CPPED1: variants seen among roughly 807,000 people sequenced by gnomAD.
CPPED1 encodes calcineurin like phosphoesterase domain containing 1.
CPPED1 carries 28 observed loss-of-function variants against 28.0 expected under a neutral mutation model. The ratio of observed to expected loss-of-function variants is 1.00; its 90% CI spans 0.74 to 1.37. The LOEUF (loss-of-function observed/expected upper bound fraction) is 1.37. CPPED1 is among the 40% of genes most tolerant of loss of function. The pLI, the probability that CPPED1 is intolerant of heterozygous loss-of-function variation, is 0.00. For missense variants in CPPED1, 504 were observed against 416.5 expected (o/e 1.21, Z -1.83); for synonymous variants, 198 against 180.2 (o/e 1.10, Z -0.79).
intron 2 of CPPED1, among the ~76,000 whole-genome samples, chr16:12,750,632 T>C (rs1221276724): frequency 6.6e-6 from 1 of 152,108 alleles, no homozygotes; most frequent in East Asian, 1.9e-4. Flanking sequence ...AAGTTCAAAA[T>C]ATTGCAAGAA....
intron 3 of CPPED1, among the ~76,000 whole-genome samples, chr16:12,668,720 T>A (rs1257388010): frequency 6.6e-6 from 1 of 152,216 alleles, no homozygotes; most frequent in Non-Finnish European, 1.5e-5. Context: ...GGCCGATAAT[T>A]ACATGAAAAG....
chr16:12,698,139 G>C (rs1247887167), intron 3 of CPPED1, among the ~76,000 whole-genome samples: 1 of 152,020 alleles, frequency 6.6e-6, no homozygotes, highest in Non-Finnish European at 1.5e-5. Flanking sequence ...GTCAGTTCAT[G>C]AAAACCAACT....
chr16:12,672,795 G>C (rs1378050882), intron 3 of CPPED1, among the ~76,000 whole-genome samples: 9 of 152,214 alleles, frequency 5.9e-5, no homozygotes, highest in African/African-American at 2.2e-4. Context: ...GGGCAGATCA[G>C]TTGAGGTCAG....
rs1266138675 is a variant in CPPED1 at position 12,682,746 on chromosome 16, C to T, written c.716-17631G>A. Among the ~76,000 whole-genome samples the T allele has an allele frequency of 6.6e-6, 1 of 152,242 alleles. No individual in the cohort carries two copies. Among genetic ancestry groups the T allele is most frequent in the East Asian group, 1.9e-4 (1 of 5,196 alleles). ...TTTCCTCTCATCCTTCTCTAAGTAT[C>T]TGATCAGAAGATCTTTTTCTTTTCA... is the stretch of plus-strand genomic sequence containing the variant. On this transcript the variant is annotated intron_variant, in intron 3 of 3. Transcript: ENST00000381774. This position sits in a 1 kb window ranked among gnomAD's most constrained non-coding sequence, Gnocchi z 6.1.
chr16:12,683,721 C>T (rs1297424368), intron 3 of CPPED1, among the ~76,000 whole-genome samples: 2 of 152,164 alleles, frequency 1.3e-5, no homozygotes, highest in Admixed American at 1.3e-4. Context: ...ATCTCCTCTC[C>T]ATCCTCAGTG....
intron 3 of CPPED1, among the ~76,000 whole-genome samples, chr16:12,685,427 G>A (rs1347142931): frequency 2.6e-5 from 4 of 152,172 alleles, no homozygotes; most frequent in Admixed American, 2.6e-4. Flanking sequence ...TCCAGCCTGG[G>A]TGACAGAGCG....
rs757998198 is a variant in CPPED1, at chr16:12,665,032, T to C, written c.799A>G (p.Ile267Val). 1 of 1,610,456 alleles carries C rather than the reference T, an allele frequency of 6.2e-7. No homozygotes were observed. Among genetic ancestry groups the C allele is most frequent in the East Asian group, 2.2e-5 (1 of 44,808 alleles). ...GGGTCTCTGCCCAGCTGGCATCCAA[T>C]GGCAGATGACACCACCATGTCGAGG... ...QNLDMVVSSA[I>V]GCQLGRDPHG... The change falls in exon 4 of 4, where the codon ATT (isoleucine) becomes GTT (valine). Residue 267 changes from isoleucine (I) to valine (V), a missense_variant. Physicochemically the swap from Ile to Val is conservative, Grantham distance 29. Transcript: ENST00000381774.
chr16:12,742,700 T>G (rs1319993343), intron 2 of CPPED1, among the ~76,000 whole-genome samples: 2 of 152,156 alleles, frequency 1.3e-5, no homozygotes, highest in East Asian at 1.9e-4. Context: ...CATTGCCCAA[T>G]AGCTGCTTCT....
At chr16:12,681,384 C>T (rs1382390935) in intron 3 of CPPED1, among the ~76,000 whole-genome samples, 1 of 152,144 alleles carries the variant, frequency 6.6e-6, no homozygotes, top group African/African-American at 2.4e-5. Context: ...AGAAGGCCCT[C>T]ACCAGATACA....
At chr16:12,778,266 T>C (rs1349153087) in intron 2 of CPPED1, among the ~76,000 whole-genome samples, 1 of 133,432 alleles carries the variant, frequency 7.5e-6, no homozygotes. Context: ...TTCTTTTTTC[T>C]TTCTTTCTTT....
At chr16:12,732,014 G>T (rs2080200396) in intron 2 of CPPED1, among the ~76,000 whole-genome samples, 1 of 151,872 alleles carries the variant, frequency 6.6e-6, no homozygotes, top group Admixed American at 6.6e-5. Context: ...AATACAAAAA[G>T]TAGCTGGGCG....
At chr16:12,786,960 A>G (rs1398928078) in intron 1 of CPPED1, among the ~76,000 whole-genome samples, 1 of 152,174 alleles carries the variant, frequency 6.6e-6, no homozygotes, top group Non-Finnish European at 1.5e-5. Context: ...GTATGTTCTA[A>G]TTTATTACTA....
At chr16:12,727,114 A>C (rs1308326230) in intron 2 of CPPED1, among the ~76,000 whole-genome samples, 1 of 152,166 alleles carries the variant, frequency 6.6e-6, no homozygotes. Flanking sequence ...ATACAACTGG[A>C]GCCCTGCGTT....
At chr16:12,783,903 G>A (rs2080547241) in intron 1 of CPPED1, among the ~76,000 whole-genome samples, 1 of 152,136 alleles carries the variant, frequency 6.6e-6, no homozygotes, top group Non-Finnish European at 1.5e-5. Flanking sequence ...ACAGCAATAT[G>A]GCACATCCAG....
chr16:12,694,736 G>C lies in CPPED1; in HGVS notation c.715+9888C>G, dbSNP rs866189260. Among the ~76,000 whole-genome samples the C allele has an allele frequency of 1.6e-3, 216 of 133,776 alleles. 1 individual carries two copies. The highest frequency in any genetic ancestry group is 5.5e-3 in the African/African-American group (197 of 36,080). The allele number at this position is 133,776 out of a possible 152,430, so 87.8% of individuals were successfully genotyped here. A position where few individuals can be genotyped will look rare whatever the true frequency, so the allele number is the denominator to read the frequency against. ...TATGGATGCTTAAAAAAAGGTGGGG[G>C]GGGGGGCGGGGGCATGAGTGTGAGA... is the stretch of plus-strand genomic sequence containing the variant. On this transcript the variant is annotated intron_variant, in intron 3 of 3. Transcript: ENST00000381774.
At chr16:12,711,220 A>C (rs2080078234) in intron 2 of CPPED1, among the ~76,000 whole-genome samples, 1 of 152,250 alleles carries the variant, frequency 6.6e-6, no homozygotes, top group Non-Finnish European at 1.5e-5. Flanking sequence ...TGCTAAGTGA[A>C]ATAAGTCATG....
At chr16:12,775,116 G>T (rs1039482858) in intron 2 of CPPED1, among the ~76,000 whole-genome samples, 2 of 151,946 alleles carry the variant, frequency 1.3e-5, no homozygotes, top group African/African-American at 4.8e-5. Flanking sequence ...CACTGCCCTG[G>T]GCTGGTGGCT....
intron 1 of CPPED1, among the ~76,000 whole-genome samples, chr16:12,802,725 C>T (rs1055701151): frequency 2.6e-5 from 4 of 152,204 alleles, no homozygotes; most frequent in Non-Finnish European, 5.9e-5. Context: ...GAGAGCCAGG[C>T]TCACCAACCC....
intron 2 of CPPED1, chr16:12,753,113 T>C (rs1471505910): frequency 3.9e-5 from 6 of 152,062 alleles, no homozygotes; most frequent in Non-Finnish European, 8.8e-5. Flanking sequence ...TATCCTATTA[T>C]TCTATTCACT....
Sources: gnomAD v4.1 joint callset for allele counts (sites outside exome capture counted in the v4.1 genomes callset) on GRCh38, gnomAD v4.1.1 for gene constraint, Gnocchi (gnomAD v3.1) non-coding constraint, MANE v1.5 for transcripts, NCBI Gene and HGNC (gene_info 2026-07-23, HGNC 2026-07-21) for gene names.